Variants in SAMSN1 observed in about 807,000 individuals in gnomAD.
SAMSN1 encodes SAM domain-containing protein SAMSN-1.
In SAMSN1, 31 loss-of-function variants were observed where a neutral mutation model predicts 42.0. That is an observed-to-expected ratio of 0.74 (90% CI 0.55 to 1.00). The LOEUF (loss-of-function observed/expected upper bound fraction) is 1.00, where lower values mean the gene tolerates loss of function less well. Among genes scored for constraint, SAMSN1 ranks in the 50% least tolerant of loss-of-function variants. SAMSN1 has a pLI of 0.00. For missense variants in SAMSN1, 464 were observed against 439.4 expected (o/e 1.06, Z -0.50); for synonymous variants, 178 against 151.9 (o/e 1.17, Z -1.26).
intron 2 of SAMSN1, among the ~76,000 whole-genome samples, chr21:14,625,912 T>C (rs1409950026): frequency 6.6e-6 from 1 of 152,202 alleles, no homozygotes; most frequent in African/African-American, 2.4e-5. Flanking sequence ...AACAGCATGG[T>C]ACTGGTACTA....
At chr21:14,579,074 G>A (rs1463600562) in intron 2 of SAMSN1, among the ~76,000 whole-genome samples, 1 of 152,076 alleles carries the variant, frequency 6.6e-6, no homozygotes, top group Non-Finnish European at 1.5e-5. Context: ...TTCACTTGTT[G>A]TTGTTATAGA....
At chr21:14,609,576 G>A (rs1053133364) in intron 4 of SAMSN1, 2 of 717,724 alleles carry the variant, frequency 2.8e-6, no homozygotes, top group African/African-American at 1.7e-5. Context: ...CTTCTAAAGT[G>A]AAGCAGATAA....
At chr21:14,611,365 A>G (rs1982702423) in intron 4 of SAMSN1, among the ~76,000 whole-genome samples, 2 of 152,248 alleles carry the variant, frequency 1.3e-5, no homozygotes, top group Non-Finnish European at 2.9e-5. Flanking sequence ...CTTCTAAATT[A>G]CTTACTACAG....
At chr21:14,583,473 T>C (rs1981821593), upstream of SAMSN1, 2 of 551,560 alleles carry the variant, frequency 3.6e-6, no homozygotes, top group Non-Finnish European at 6.4e-6. Context: ...GGTGCATAAA[T>C]ACGGGGTAAA....
intron 2 of SAMSN1, among the ~76,000 whole-genome samples, chr21:14,558,497 G>A (rs1170799534): frequency 2.6e-5 from 4 of 151,956 alleles, no homozygotes; most frequent in African/African-American, 9.7e-5. Flanking sequence ...TGGGCAACAT[G>A]GGGAAACACC....
chr21:14,534,560 G>A (rs1256804332), intron 1 of SAMSN1, among the ~76,000 whole-genome samples: 2 of 150,722 alleles, frequency 1.3e-5, no homozygotes, highest in Non-Finnish European at 2.9e-5. Context: ...CTGTCGCCCA[G>A]GCTGGAGTGC....
chr21:14,641,599 C>T (rs455520), intron 2 of SAMSN1, among the ~76,000 whole-genome samples: 1 of 151,958 alleles, frequency 6.6e-6, no homozygotes, highest in African/African-American at 2.4e-5. Flanking sequence ...ATGTATACAT[C>T]TATTACCTTA....
chr21:14,596,062 T>G (rs1037723170), intron 6 of SAMSN1, among the ~76,000 whole-genome samples: 2 of 152,178 alleles, frequency 1.3e-5, no homozygotes, highest in African/African-American at 2.4e-5. Flanking sequence ...GTATTTCCTC[T>G]TTTTTAAATA....
At chr21:14,511,892 CTT>C (rs548375483) in intron 4 of SAMSN1, among the ~76,000 whole-genome samples, 44 of 152,228 alleles carry the variant, frequency 2.9e-4, no homozygotes, top group African/African-American at 1.0e-3. Flanking sequence ...TTGCTTCACT[CTT>C]TACTGATTAA....
At chr21:14,626,743 G>T (rs1198646793) in intron 2 of SAMSN1, among the ~76,000 whole-genome samples, 2 of 152,196 alleles carry the variant, frequency 1.3e-5, no homozygotes, top group Non-Finnish European at 2.9e-5. Flanking sequence ...TCTAGAACTA[G>T]AAATTCCATT....
intron 2 of SAMSN1, among the ~76,000 whole-genome samples, chr21:14,565,859 T>C (rs532690717): frequency 5.3e-5 from 8 of 152,286 alleles, no homozygotes; most frequent in Non-Finnish European, 1.0e-4. Context: ...TATGAGGAGT[T>C]TAATAAATAT....
At chr21:14,605,544 T>G (rs1982542685) in intron 5 of SAMSN1, among the ~76,000 whole-genome samples, 1 of 152,232 alleles carries the variant, frequency 6.6e-6, no homozygotes. Context: ...TACCATCTTT[T>G]GCCATCTTAA....
At chr21:14,629,197 C>T (rs973072575) in intron 2 of SAMSN1, among the ~76,000 whole-genome samples, 2 of 152,140 alleles carry the variant, frequency 1.3e-5, no homozygotes, top group Non-Finnish European at 2.9e-5. Flanking sequence ...AGAAAGAACA[C>T]CCTTCTTCAA....
chr21:14,652,444 A>C lies in SAMSN1; in HGVS notation c.24+6304T>G, dbSNP rs911848996. Among the ~76,000 whole-genome samples, 14 of 152,134 alleles carry C rather than the reference A, an allele frequency of 9.2e-5. No homozygotes were observed. In the East Asian group the frequency reaches 2.5e-3, roughly 27 times the overall value. On this transcript the variant is annotated intron_variant, in intron 1 of 15. Coordinates refer to the SAMSN1 transcript ENST00000647101. Reference sequence around the variant, plus strand: ...GTCAAGAACACACACTGGGGAAAAGACAGTCTCTTCAATAAATAGTGCTGG... The same window carrying C: ...GTCAAGAACACACACTGGGGAAAAGCCAGTCTCTTCAATAAATAGTGCTGG...
chr21:14,498,511 A>T lies in SAMSN1; in HGVS notation c.850T>A (p.Leu284Ile). 1 of 1,610,934 alleles carries T rather than the reference A, an allele frequency of 6.2e-7. No homozygotes were observed. Among genetic ancestry groups the T allele is most frequent in the Non-Finnish European group, 8.5e-7 (1 of 1,178,734 alleles). ...KDIKESHLIE[L>I]NIENPDDRRR... is the part of the protein sequence containing the mutation. ...CTGTCATCTGGGTTTTCAATATTTA[A>T]TTCAATGAGGTGACTCTCTTTTATA... Residue 284 changes from leucine to isoleucine, a missense_variant, in exon 7 of 8, where the codon TTA becomes ATA. Leu to Ile is a conservative substitution (Grantham distance 5, BLOSUM62 2). Transcript: ENST00000400566.
At chr21:14,542,362 C>T (rs1381592188) in intron 1 of SAMSN1, among the ~76,000 whole-genome samples, 1 of 152,054 alleles carries the variant, frequency 6.6e-6, no homozygotes, top group East Asian at 1.9e-4. Context: ...GCCTTAGGCT[C>T]TACATATGAG....
intron 5 of SAMSN1, among the ~76,000 whole-genome samples, chr21:14,602,435 T>C (rs1373916374): frequency 1.3e-5 from 2 of 152,196 alleles, no homozygotes; most frequent in Admixed American, 6.5e-5. Context: ...TATGACTCCA[T>C]GCAGTTATCA....
At chr21:14,568,096 C>A (rs1381153376) in intron 2 of SAMSN1, among the ~76,000 whole-genome samples, 1 of 152,150 alleles carries the variant, frequency 6.6e-6, no homozygotes, top group Non-Finnish European at 1.5e-5. Context: ...ATTAAGCAAG[C>A]ATTACTAATC....
At chr21:14,492,872 T>C (rs946312471) in intron 7 of SAMSN1, among the ~76,000 whole-genome samples, 1 of 152,232 alleles carries the variant, frequency 6.6e-6, no homozygotes, top group African/African-American at 2.4e-5. Flanking sequence ...TTCTCTACTT[T>C]GTGTGGACAG....
Sources: allele counts gnomAD v4.1 joint callset (sites outside exome capture counted in the v4.1 genomes callset), GRCh38; gene constraint gnomAD v4.1.1; transcripts MANE v1.5; gene names NCBI Gene and HGNC (gene_info 2026-07-23, HGNC 2026-07-21).